The following ARHGAP5 variants were observed in gnomAD, a reference collection of about 807,000 sequenced individuals.
The protein encoded by ARHGAP5 is rho GTPase-activating protein 5.
In ARHGAP5, 23 loss-of-function variants were observed where a neutral mutation model predicts 116.6. That is an observed-to-expected ratio of 0.20 (90% confidence interval 0.14 to 0.28). The LOEUF is 0.28. Ranked by LOEUF, ARHGAP5 falls within the 10% of genes least tolerant of loss-of-function variation. The pLI, the probability that ARHGAP5 is intolerant of heterozygous loss-of-function variation, is 1.00. For synonymous variants in ARHGAP5, 574 were observed against 602.0 expected, an observed-to-expected ratio of 0.95 and a Z score of 0.68; for missense variants, 1,405 against 1,774.8, an observed-to-expected ratio of 0.79 and a Z score of 3.74.
At chr14:32,095,663 C>T (rs1328507964) in intron 2 of ARHGAP5, among the ~76,000 whole-genome samples, 1 of 152,030 alleles carries the variant, frequency 6.6e-6, no homozygotes, top group Non-Finnish European at 1.5e-5. Context: ...CCGAGGCCTG[C>T]CTTGGCCTCA....
Position 32,094,344 on chromosome 14 carries a change from G to T in ARHGAP5, c.3675G>T (p.Lys1225Asn). The T allele has an allele frequency of 6.3e-7, 1 of 1,587,734 alleles. No homozygotes were observed. Among genetic ancestry groups the T allele is most frequent in the South Asian group, 1.2e-5 (1 of 85,464 alleles). ...AITSDQELDDKKMKKKTHKVK... is the reference protein window; with the variant it reads ...AITSDQELDDNKMKKKTHKVK... ...CTTCTGACCAGGAGTTAGATGATAA[G>T]AAGATGAAGAAGAAAACCCACAAAG... The change falls in exon 2 of 7, where the codon AAG becomes AAT. Residue 1225 changes from lysine (K) to asparagine (N), a missense_variant. By Grantham distance (94) the Lys-to-Asn change is moderately conservative (BLOSUM62 0). Coordinates refer to ENST00000345122, the MANE Select transcript of ARHGAP5 (RefSeq NM_001030055.2).
intron 5 of ARHGAP5, 90 bp downstream of exon 5, chr14:32,150,123 T>A: frequency 9.6e-7 from 1 of 1,045,974 alleles, no homozygotes; most frequent in South Asian, 2.7e-5. Context: ...TGTACTAGAA[T>A]ATGTAGCTAA....
chr14:32,115,522 C>T (rs1338344551), intron 2 of ARHGAP5, among the ~76,000 whole-genome samples: 6 of 151,572 alleles, frequency 4.0e-5, no homozygotes, highest in Admixed American at 1.3e-4. Flanking sequence ...AAAAATTAGC[C>T]GGGCGTGGTG....
intron 2 of ARHGAP5, among the ~76,000 whole-genome samples, chr14:32,103,442 T>G (rs529265232): frequency 6.6e-6 from 1 of 152,308 alleles, no homozygotes; most frequent in African/African-American, 2.4e-5. Flanking sequence ...CTATACAAAC[T>G]TTTTCTTAGT....
intron 5 of ARHGAP5, among the ~76,000 whole-genome samples, chr14:32,152,200 T>TC (rs1881666836): frequency 6.6e-6 from 1 of 152,082 alleles, no homozygotes; most frequent in East Asian, 1.9e-4. Flanking sequence ...CCTGAAACCA[T>TC]CCCCCCACCC....
chr14:32,100,755 A>G (rs1878755808), intron 2 of ARHGAP5, among the ~76,000 whole-genome samples: 2 of 152,326 alleles, frequency 1.3e-5, no homozygotes, highest in South Asian at 4.1e-4. Context: ...TATTACAGTG[A>G]AAAAAGAAGT....
chr14:32,116,914 AAG>A (rs1353570574), intron 2 of ARHGAP5, among the ~76,000 whole-genome samples: 1 of 152,174 alleles, frequency 6.6e-6, no homozygotes, highest in Non-Finnish European at 1.5e-5. Flanking sequence ...TTATTTTCCA[AAG>A]AGAATATTTT....
At chr14:32,140,087 G>GTTTTT (rs1881028802) in intron 3 of ARHGAP5, among the ~76,000 whole-genome samples, 12 of 29,862 alleles carry the variant, frequency 4.0e-4, no homozygotes, top group Middle Eastern at 0.025. Context: ...TTTTTTTTAG[G>GTTTTT]TTATTTGTTC....
At chr14:32,145,652 T>G (rs1041924211) in intron 3 of ARHGAP5, among the ~76,000 whole-genome samples, 2 of 152,126 alleles carry the variant, frequency 1.3e-5, no homozygotes, top group African/African-American at 2.4e-5. Context: ...CCGGTTTGCC[T>G]TCTTCTCTCC....
chr14:32,108,278 A>G (rs1489259799), intron 2 of ARHGAP5, among the ~76,000 whole-genome samples: 1 of 152,096 alleles, frequency 6.6e-6, no homozygotes, highest in African/African-American at 2.4e-5. Flanking sequence ...GCAATGTGGG[A>G]TCAAAGGAGG....
chr14:32,151,247 A>G (rs1881625095), intron 5 of ARHGAP5, among the ~76,000 whole-genome samples: 1 of 152,258 alleles, frequency 6.6e-6, no homozygotes, highest in Non-Finnish European at 1.5e-5. Flanking sequence ...TGTGTAACAA[A>G]TGAAATGTTG....
chr14:32,127,490 G>A (rs370063929), intron 3 of ARHGAP5, among the ~76,000 whole-genome samples: 157 of 152,174 alleles, frequency 1.0e-3, no homozygotes, highest in Middle Eastern at 0.01. Flanking sequence ...CGGGGTTGGG[G>A]GTAAGGTTAT....
Position 32,145,884 on chromosome 14 carries a change from C to T in ARHGAP5, c.3866-379C>T, listed in dbSNP as rs147961029. On this transcript the variant is annotated intron_variant, in intron 3 of 6. Coordinates refer to ENST00000345122, the MANE Select transcript of ARHGAP5 (RefSeq NM_001030055.2). ...ATATTTTACCACTATAAATTTGTAA[C>T]GAAATTGTACATAAGATTAAGTACA... is the stretch of plus-strand genomic sequence containing the variant. 2.0e-4 allele frequency among the ~76,000 whole-genome samples: 31 copies of T among 152,184 alleles called. No homozygotes were observed. The East Asian group carries it at 4.6e-3, about 23-fold the overall frequency.
At chr14:32,137,119 AT>A (rs1208867901) in intron 3 of ARHGAP5, among the ~76,000 whole-genome samples, 1 of 151,628 alleles carries the variant, frequency 6.6e-6, no homozygotes, top group African/African-American at 2.4e-5. Flanking sequence ...ATTGTTGCTC[AT>A]GCTGTTGGTA....
intron 3 of ARHGAP5, among the ~76,000 whole-genome samples, chr14:32,128,018 CG>C (rs1389806125): frequency 2.7e-4 from 39 of 145,972 alleles, no homozygotes; most frequent in Non-Finnish European, 4.8e-4. Context: ...GGGTGGCGGC[CG>C]GGTAGAGACG....
At chr14:32,119,320 A>G (rs1336576230) in intron 3 of ARHGAP5, among the ~76,000 whole-genome samples, 1 of 152,108 alleles carries the variant, frequency 6.6e-6, no homozygotes, top group Non-Finnish European at 1.5e-5. Context: ...TTACTTAAAG[A>G]TTGTGATATT....
At chr14:32,110,990 G>GT (rs558216352) in intron 2 of ARHGAP5, among the ~76,000 whole-genome samples, 63 of 152,306 alleles carry the variant, frequency 4.1e-4, no homozygotes, top group African/African-American at 1.5e-3. Context: ...TTAAACTGAT[G>GT]TTGTTAGGGT....
intron 3 of ARHGAP5, 86 bp from the exon 4 acceptor site, chr14:32,146,177 C>A: frequency 9.9e-7 from 1 of 1,011,080 alleles, no homozygotes; most frequent in Non-Finnish European, 1.5e-6. Context: ...TCCCAGAGTG[C>A]TGGGATTACA....
chr14:32,122,927 G>C (rs1262692676), intron 3 of ARHGAP5, among the ~76,000 whole-genome samples: 1 of 152,112 alleles, frequency 6.6e-6, no homozygotes, highest in Non-Finnish European at 1.5e-5. Flanking sequence ...AAATCAAGAA[G>C]TGTGACTGTT....
Sources: allele counts gnomAD v4.1 joint callset (sites outside exome capture counted in the v4.1 genomes callset), GRCh38; gene constraint gnomAD v4.1.1; transcripts MANE v1.5; gene names NCBI Gene and HGNC (gene_info 2026-07-23, HGNC 2026-07-21).